The following PTPRN2 variants were observed in gnomAD, a reference collection of about 807,000 sequenced individuals.
The protein encoded by PTPRN2 is protein tyrosine phosphatase receptor type N2.
PTPRN2 carries 74 observed loss-of-function variants against 118.8 expected under a neutral mutation model. The ratio of observed to expected loss-of-function variants is 0.62; its 90% CI spans 0.52 to 0.76. The LOEUF is 0.76. PTPRN2 is among the 30% of genes least tolerant of loss of function. The pLI is 0.00. For synonymous variants in PTPRN2, 641 were observed against 608.0 expected (o/e 1.05, Z -0.80); for missense variants, 1,481 against 1,394.4 (o/e 1.06, Z -0.99).
intron 11 of PTPRN2, among the ~76,000 whole-genome samples, chr7:158,021,638 A>G (rs1397887535): frequency 1.3e-5 from 2 of 152,082 alleles, no homozygotes; most frequent in South Asian, 4.2e-4. Context: ...CCTCTGGAAG[A>G]GCCAGCCCTG....
At chr7:158,165,803 G>A (rs932513910) in intron 6 of PTPRN2, among the ~76,000 whole-genome samples, 9 of 152,304 alleles carry the variant, frequency 5.9e-5, no homozygotes, top group Non-Finnish European at 7.4e-5. Flanking sequence ...ACAAAGAGTC[G>A]CAGGAACCCG....
chr7:157,948,436 A>G (rs983069862), intron 11 of PTPRN2, among the ~76,000 whole-genome samples: 2 of 152,196 alleles, frequency 1.3e-5, no homozygotes, highest in Non-Finnish European at 2.9e-5. Context: ...CTAAGAAAAT[A>G]ACAAAAAGAA....
In PTPRN2 at chr7:157,953,473, C is replaced by T. The variant is rs1800964844; in HGVS notation, c.1724-54736G>A. 6.6e-6 allele frequency among the ~76,000 whole-genome samples: 1 copy of T among 152,130 alleles called. No individual in the cohort carries two copies. Among genetic ancestry groups the T allele is most frequent in the Admixed American group, 6.5e-5 (1 of 15,282 alleles). The stretch of plus-strand genomic sequence containing the variant: ...GGATACAGCGGAGTGCCCGTCACCA[C>T]CTGCCCACCTTCTTCACACCATGAG... On this transcript the variant is annotated intron_variant, in intron 11 of 22. Coordinates refer to ENST00000389418, the MANE Select transcript of PTPRN2 (RefSeq NM_002847.5). This position sits in a 1 kb window ranked among gnomAD's most constrained non-coding sequence, Gnocchi z 4.6.
intron 12 of PTPRN2, among the ~76,000 whole-genome samples, chr7:157,840,103 C>CCA (rs1247820316): frequency 1.3e-4 from 18 of 138,710 alleles, no homozygotes; most frequent in African/African-American, 4.6e-4. Flanking sequence ...GACTGTGTGA[C>CCA]CGCGTGACTG....
chr7:158,562,908 C>T (rs1827471667), intron 1 of PTPRN2, among the ~76,000 whole-genome samples: 1 of 152,196 alleles, frequency 6.6e-6, no homozygotes, highest in Admixed American at 6.5e-5. Context: ...TGAGTGCAGG[C>T]CCTTTAAAGA....
intron 2 of PTPRN2, among the ~76,000 whole-genome samples, chr7:158,423,337 T>C (rs982584896): frequency 2.0e-5 from 3 of 152,208 alleles, no homozygotes; most frequent in South Asian, 4.1e-4. Context: ...TAACCTTCCT[T>C]TGCTGAGTGA....
intron 15 of PTPRN2, among the ~76,000 whole-genome samples, chr7:157,620,104 G>A (rs1803059323): frequency 6.6e-6 from 1 of 152,190 alleles, no homozygotes. Flanking sequence ...TACCCACACT[G>A]TCATTTATCA....
chr7:158,149,803 C>G (rs370879524), intron 6 of PTPRN2, among the ~76,000 whole-genome samples: 2 of 121,684 alleles, frequency 1.6e-5, no homozygotes, highest in Non-Finnish European at 3.4e-5. Context: ...GAGTCCATCT[C>G]AAAAAAAAAA....
intron 11 of PTPRN2, among the ~76,000 whole-genome samples, chr7:157,980,584 C>G (rs1268284966): frequency 6.6e-6 from 1 of 152,094 alleles, no homozygotes. Flanking sequence ...AACCCCGTCT[C>G]TACTAAAACT....
intron 12 of PTPRN2, among the ~76,000 whole-genome samples, chr7:157,819,998 C>T (rs909780466): frequency 6.6e-6 from 1 of 151,464 alleles, no homozygotes; most frequent in East Asian, 1.9e-4. Flanking sequence ...CCCACACACA[C>T]AGAGGCACTC....
Position 157,866,327 on chromosome 7 carries a change from C to T in PTPRN2, c.1788+32346G>A, listed in dbSNP as rs933708338. ...GTGCATATCCAAATACACATACACA[C>T]ACATGCATATGCAGAGTTATATACA... On this transcript the variant is annotated intron_variant, in intron 12 of 22. Transcript: ENST00000389418. Among the ~76,000 whole-genome samples, 7 of 152,148 alleles carry T rather than the reference C, an allele frequency of 4.6e-5. 1 individual carries two copies. Among genetic ancestry groups the T allele is most frequent in the Admixed American group, 2.0e-4 (3 of 15,284 alleles).
intron 2 of PTPRN2, among the ~76,000 whole-genome samples, chr7:158,334,528 G>T (rs1228411108): frequency 4.5e-5 from 5 of 110,532 alleles, no homozygotes; most frequent in South Asian, 3.5e-4. Context: ...GGTGACACCT[G>T]CAGACGTCAC....
At chr7:157,767,975 G>A (rs776722916) in intron 12 of PTPRN2, among the ~76,000 whole-genome samples, 15 of 152,322 alleles carry the variant, frequency 9.8e-5, no homozygotes, top group Admixed American at 3.9e-4. Context: ...TTCCATACAC[G>A]ATTCCTGCTT....
intron 11 of PTPRN2, among the ~76,000 whole-genome samples, chr7:158,068,122 C>T (rs896294148): frequency 1.3e-5 from 2 of 152,204 alleles, no homozygotes; most frequent in Non-Finnish European, 1.5e-5. Context: ...CCAGGCTGTG[C>T]AGTCCCAGGG....
chr7:157,772,322 G>A (rs1234687187), intron 12 of PTPRN2, among the ~76,000 whole-genome samples: 2 of 96,794 alleles, frequency 2.1e-5, no homozygotes. Context: ...CATAGACACA[G>A]ACACACACAT....
intron 2 of PTPRN2, among the ~76,000 whole-genome samples, chr7:158,420,562 G>T (rs1191830447): frequency 2.6e-5 from 4 of 152,198 alleles, no homozygotes; most frequent in African/African-American, 9.7e-5. Context: ...TACAAAAAGA[G>T]ATGGCTTGAC....
At chr7:158,520,542 G>A (rs1482632558) in intron 1 of PTPRN2, among the ~76,000 whole-genome samples, 1 of 152,192 alleles carries the variant, frequency 6.6e-6, no homozygotes, top group Non-Finnish European at 1.5e-5. Flanking sequence ...ACACTCCCCA[G>A]AGCAGGATCT....
chr7:158,168,059 A>G (rs1297768642), intron 5 of PTPRN2, among the ~76,000 whole-genome samples: 1 of 152,132 alleles, frequency 6.6e-6, no homozygotes, highest in African/African-American at 2.4e-5. Flanking sequence ...CTGACTGAGG[A>G]ACTCCCAAGC....
chr7:158,407,203 CCTGGGTCCTGCGTCCT>C lies in PTPRN2; in HGVS notation c.163+82516_163+82531del, dbSNP rs1563254534. ...GCGTCCTGGGTCCTGGGTCCTGGGT[CCTGGGTCCTGCGTCCT>C]GCGTCCTGGGTCCTGGGTCCTGGGT... is the stretch of plus-strand genomic sequence containing the variant. On this transcript the variant is annotated intron_variant, in intron 2 of 22. Coordinates refer to ENST00000389418, the MANE Select transcript of PTPRN2 (RefSeq NM_002847.5). 1.5e-3 allele frequency among the ~76,000 whole-genome samples: 49 copies of C among 32,380 alleles called. 1 individual carries two copies. Among genetic ancestry groups the C allele is most frequent in the Non-Finnish European group, 1.9e-3 (25 of 13,188 alleles). 21.2% of individuals were successfully genotyped at this position (32,380 alleles called of 152,430 possible). A position where few individuals can be genotyped will look rare whatever the true frequency, so the allele number is the denominator to read the frequency against.
Sources: gnomAD v4.1 joint callset for allele counts (sites outside exome capture counted in the v4.1 genomes callset) on GRCh38, gnomAD v4.1.1 for gene constraint, Gnocchi (gnomAD v3.1) non-coding constraint, MANE v1.5 for transcripts, NCBI Gene and HGNC (gene_info 2026-07-23, HGNC 2026-07-21) for gene names.